The following ITGA8 variants were observed in gnomAD, a reference collection of about 807,000 sequenced individuals.
The protein encoded by ITGA8 is integrin subunit alpha 8.
Under a neutral mutation model 142.3 loss-of-function variants are expected in ITGA8, and 91 were observed. That is an observed-to-expected ratio of 0.64 (90% CI 0.54 to 0.76). The LOEUF (loss-of-function observed/expected upper bound fraction) is 0.76. ITGA8 is among the 30% of genes least tolerant of loss of function. The probability of loss-of-function intolerance (pLI) is 0.00; values close to 1 mark genes in which losing one functional copy is unlikely to be tolerated. For synonymous variants in ITGA8, 505 were observed against 485.2 expected, an observed-to-expected ratio of 1.04 and a Z score of -0.54; for missense variants, 1,406 against 1,327.7, an observed-to-expected ratio of 1.06 and a Z score of -0.92.
intron 2 of ITGA8, among the ~76,000 whole-genome samples, chr10:15,694,341 A>T (rs11253606): frequency 7.9e-4 from 8 of 10,106 alleles, no homozygotes; most frequent in African/African-American, 1.1e-3. Context: ...ATCATATATC[A>T]GATAATATAT....
At position 15,572,220 on chromosome 10, in the gene ITGA8, C is replaced by G; in HGVS notation, c.2628G>C (p.Gln876His). ...QCQPNPNINP[Q>H]DIKPAASPED... ...TAGACCAGACTCCTACCTTTATATCCTGTGGATTGATATTAGGATTTGGTT... is the reference window on the plus strand; with the variant it reads ...TAGACCAGACTCCTACCTTTATATCGTGTGGATTGATATTAGGATTTGGTT... Residue 876 changes from glutamine to histidine, a missense_variant, in exon 25 of 30, where the codon CAG becomes CAC. Transcript: ENST00000378076. The G allele has an allele frequency of 6.2e-7, 1 of 1,613,202 alleles. No homozygotes were observed. Among genetic ancestry groups the G allele is most frequent in the Non-Finnish European group, 8.5e-7 (1 of 1,179,450 alleles).
chr10:15,713,258 A>T (rs975286506), intron 2 of ITGA8, among the ~76,000 whole-genome samples: 2 of 152,216 alleles, frequency 1.3e-5, no homozygotes, highest in Non-Finnish European at 1.5e-5. Context: ...ATCCAGCTAA[A>T]CCACCTTTGA....
At chr10:15,554,718 CCTTTCTTT>C (rs140932453) in intron 26 of ITGA8, among the ~76,000 whole-genome samples, 46,490 of 148,858 alleles carry the variant, frequency 0.31, 7,383 homozygotes, top group Non-Finnish European at 0.32. Flanking sequence ...CTTTGCAAAT[CCTTTCTTT>C]CTTTCTTTCT....
At chr10:15,551,089 G>A in intron 26 of ITGA8, among the ~76,000 whole-genome samples, 1 of 152,192 alleles carries the variant, frequency 6.6e-6, no homozygotes, top group South Asian at 2.1e-4. Context: ...CTAGAGAGGA[G>A]GTACATTTGA....
chr10:15,689,638 T>C (rs529284011), intron 2 of ITGA8, among the ~76,000 whole-genome samples: 32 of 152,306 alleles, frequency 2.1e-4, no homozygotes, highest in Admixed American at 1.6e-3. Flanking sequence ...CCAGAGCAGC[T>C]ACTGCACTGA....
chr10:15,576,763 C>T lies in ITGA8; in HGVS notation c.2373-1169G>A, dbSNP rs76246198. Among the ~76,000 whole-genome samples the T allele has an allele frequency of 5.3e-3, 803 of 152,232 alleles. 4 individuals are homozygous for T. The highest frequency in any genetic ancestry group is 8.9e-3 in the Non-Finnish European group (608 of 68,002). ...GGAAAACATCTCAAATGCTTTTGGT[C>T]AAAGTTAATTTGGCTGCATTGTTTT... On this transcript the variant is annotated intron_variant, in intron 23 of 29. Coordinates refer to ENST00000378076, the MANE Select transcript of ITGA8 (RefSeq NM_003638.3).
chr10:15,604,338 A>T lies in ITGA8; in HGVS notation c.1988T>A (p.Ile663Asn). ...LSARPDKHQVIIGDENHLMLI... is the reference protein window; with the variant it reads ...LSARPDKHQVNIGDENHLMLI... Reference sequence around the variant, plus strand: ...CATAAGGTGATTTTCATCTCCAATGATTACCTGATGCTTATCTCTAAAAAT... The same window carrying T: ...CATAAGGTGATTTTCATCTCCAATGTTTACCTGATGCTTATCTCTAAAAAT... Residue 663 changes from isoleucine to asparagine, a missense_variant, in exon 20 of 30, where the codon ATC becomes AAC. By Grantham distance (149) the Ile-to-Asn change is moderately radical. Transcript: ENST00000378076. 6.2e-7 allele frequency: 1 copy of T among 1,611,512 alleles called. No individual in the cohort carries two copies. The highest frequency in any genetic ancestry group is 1.7e-4 in the Middle Eastern group (1 of 6,046).
intron 3 of ITGA8, 110 bp from the exon 4 acceptor site, chr10:15,684,237 T>G: frequency 8.5e-7 from 1 of 1,183,204 alleles, no homozygotes; most frequent in Non-Finnish European, 1.2e-6. Flanking sequence ...GTGAATTAAT[T>G]GGCCTCTAGC....
chr10:15,543,008 AG>A (rs1833602368), intron 27 of ITGA8, among the ~76,000 whole-genome samples: 1 of 152,248 alleles, frequency 6.6e-6, no homozygotes, highest in Admixed American at 6.5e-5. Flanking sequence ...ACAATAAAAA[AG>A]TAGGCTATTA....
chr10:15,677,568 T>C (rs751638952), intron 6 of ITGA8, 24 bp downstream of exon 6: 2 of 1,607,216 alleles, frequency 1.2e-6, no homozygotes, highest in East Asian at 4.5e-5. Flanking sequence ...AAATGTGCTT[T>C]TCTTGTCTGC....
intron 27 of ITGA8, among the ~76,000 whole-genome samples, chr10:15,544,279 C>G (rs73598772): frequency 0.055 from 8,331 of 151,894 alleles, 747 homozygotes; most frequent in African/African-American, 0.19. Flanking sequence ...GCTTGGATGA[C>G]ATAGTGAGAC....
At chr10:15,668,338 C>A (rs1834437805) in intron 8 of ITGA8, among the ~76,000 whole-genome samples, 1 of 151,708 alleles carries the variant, frequency 6.6e-6, no homozygotes, top group Non-Finnish European at 1.5e-5. Context: ...ACTAGGATTG[C>A]AACCCCTGCC....
chr10:15,574,036 G>T (rs924968654), intron 24 of ITGA8, among the ~76,000 whole-genome samples: 4 of 152,164 alleles, frequency 2.6e-5, no homozygotes. Context: ...TGGCCAGGCT[G>T]GTCTTGAGCT....
chr10:15,527,777 A>T (rs1009578630), intron 28 of ITGA8, among the ~76,000 whole-genome samples: 1 of 152,152 alleles, frequency 6.6e-6, no homozygotes, highest in Non-Finnish European at 1.5e-5. Flanking sequence ...AAACAAGCAA[A>T]TAGTAGTCTC....
At chr10:15,681,832 G>A (rs1834743274) in intron 4 of ITGA8, among the ~76,000 whole-genome samples, 3 of 152,214 alleles carry the variant, frequency 2.0e-5, no homozygotes, top group South Asian at 4.1e-4. Flanking sequence ...AAATCATGGA[G>A]TATAGGATAT....
At position 15,574,098 on chromosome 10, in the gene ITGA8, AG is replaced by A. The variant is rs1415284609; in HGVS notation, c.2478+1390del. Among the ~76,000 whole-genome samples, 3 of 152,246 alleles carry A rather than the reference AG, an allele frequency of 2.0e-5. No individual in the cohort carries two copies. The East Asian group carries it at 5.8e-4, about 29-fold the overall frequency. The stretch of plus-strand genomic sequence containing the variant: ...CAGCTTCCTAAAGTGCTGGGATTAC[AG>A]GCTTGAGCCACTGTGCCCAGCCATA... On this transcript the variant is annotated intron_variant, in intron 24 of 29. Transcript: ENST00000378076.
chr10:15,586,049 ATTTTTTT>A (rs59435924), intron 23 of ITGA8, among the ~76,000 whole-genome samples: 42 of 76,810 alleles, frequency 5.5e-4, no homozygotes, highest in East Asian at 4.5e-3. Context: ...GAATAAAGTG[ATTTTTTT>A]TTTTTTTTTT....
intron 7 of ITGA8, 69 bp downstream of exon 7, chr10:15,672,555 A>G: frequency 6.6e-7 from 1 of 1,521,474 alleles, no homozygotes; most frequent in South Asian, 1.3e-5. Flanking sequence ...GTCAGGGATA[A>G]AACTTGCATC....
At chr10:15,558,815 G>A (rs986879993) in intron 25 of ITGA8, among the ~76,000 whole-genome samples, 1 of 152,224 alleles carries the variant, frequency 6.6e-6, no homozygotes, top group African/African-American at 2.4e-5. Flanking sequence ...TTTTGCAAAT[G>A]TCCTAGAACT....
Sources: allele counts gnomAD v4.1 joint callset (sites outside exome capture counted in the v4.1 genomes callset), GRCh38; gene constraint gnomAD v4.1.1; transcripts MANE v1.5; gene names NCBI Gene and HGNC (gene_info 2026-07-23, HGNC 2026-07-21).